The following FRAS1 variants were observed in gnomAD, a reference collection of about 807,000 sequenced individuals.
FRAS1 encodes Fraser extracellular matrix complex subunit 1, also known as extracellular matrix organizing protein FRAS1.
Under a neutral mutation model 435.2 loss-of-function variants are expected in FRAS1, and 290 were observed. That is an observed-to-expected ratio of 0.67 (90% confidence interval 0.61 to 0.73). The LOEUF (loss-of-function observed/expected upper bound fraction) is 0.73. Ranked by LOEUF, FRAS1 falls within the 30% of genes least tolerant of loss-of-function variation. The pLI is 0.00. For missense variants in FRAS1, 4,860 were observed against 5,001.5 expected (o/e 0.97, Z 0.85); for synonymous variants, 1,800 against 1,851.0 (o/e 0.97, Z 0.71).
Position 78,464,475 on chromosome 4 carries a change from TG to T in FRAS1, c.6922del (p.Val2308SerfsTer11). On this transcript the variant is annotated frameshift_variant, in exon 49 of 74. Coordinates refer to ENST00000512123, the MANE Select transcript of FRAS1 (RefSeq NM_025074.7). LOFTEE classifies it high-confidence loss of function. ...AGACTTTCCATATCACTCTTCACCC[TG>T]TCGATGATTCGCTGCCCGTCGTACA... ...TQTFHITLHP[V>X]DDSLPVVQNL... The T allele has an allele frequency of 6.2e-7, 1 of 1,614,038 alleles. No individual in the cohort carries two copies. The highest frequency in any genetic ancestry group is 8.5e-7 in the Non-Finnish European group (1 of 1,179,872).
intron 2 of FRAS1, among the ~76,000 whole-genome samples, chr4:78,157,871 G>C (rs1452063996): frequency 6.6e-6 from 1 of 152,030 alleles, no homozygotes; most frequent in African/African-American, 2.4e-5. Context: ...TGAGGGTTCA[G>C]TTTTATTATT....
intron 29 of FRAS1, among the ~76,000 whole-genome samples, chr4:78,389,718 T>C (rs34204048): frequency 0.099 from 15,055 of 152,234 alleles, 783 homozygotes; most frequent in African/African-American, 0.11. Flanking sequence ...GCCTTTCCTA[T>C]TGTGGCTTCC....
At chr4:78,126,736 A>G (rs1719377663) in intron 2 of FRAS1, among the ~76,000 whole-genome samples, 2 of 152,226 alleles carry the variant, frequency 1.3e-5, no homozygotes, top group South Asian at 4.1e-4. Flanking sequence ...TTTTAATCAC[A>G]TCACGTGTCT....
chr4:78,086,753 A>T (rs901151355), intron 2 of FRAS1, among the ~76,000 whole-genome samples: 1 of 152,198 alleles, frequency 6.6e-6, no homozygotes, highest in Non-Finnish European at 1.5e-5. Context: ...GAATAAACTA[A>T]TAGGCTCTGA....
Position 78,252,399 on chromosome 4 carries a change from C to T in FRAS1, c.317C>T (p.Thr106Ile). 6.2e-7 allele frequency: 1 copy of T among 1,612,900 alleles called. No homozygotes were observed. Among genetic ancestry groups the T allele is most frequent in the Non-Finnish European group, 8.5e-7 (1 of 1,179,628 alleles). The change falls in exon 5 of 74, where the codon ACA becomes ATA. Residue 106 changes from threonine to isoleucine, a missense_variant. Physicochemically the swap from Thr to Ile is moderately conservative, Grantham distance 89. Coordinates refer to ENST00000512123, the MANE Select transcript of FRAS1 (RefSeq NM_025074.7). ...TGTCTCCCTAACACACAGCATGGGA[C>T]AGAATGGGCCTCTTCTCCATGTAGT... is the stretch of plus-strand genomic sequence containing the variant. ...HHEKKIHEHG[T>I]EWASSPCSVC...
At chr4:78,392,659 T>C (rs4975043) in intron 29 of FRAS1, among the ~76,000 whole-genome samples, 36,666 of 151,970 alleles carry the variant, frequency 0.24, 4,808 homozygotes, top group Admixed American at 0.31. Flanking sequence ...GTTTTAATCA[T>C]GCCCCCAGTT....
chr4:78,323,425 C>T (rs949851212), intron 18 of FRAS1, among the ~76,000 whole-genome samples: 10 of 152,060 alleles, frequency 6.6e-5, no homozygotes, highest in African/African-American at 2.4e-4. Context: ...AAACCCAAAC[C>T]CAAGAAATAC....
At chr4:78,535,134 G>A (rs1721841469) in intron 71 of FRAS1, among the ~76,000 whole-genome samples, 1 of 152,068 alleles carries the variant, frequency 6.6e-6, no homozygotes, top group Non-Finnish European at 1.5e-5. Flanking sequence ...CTTTGCATCA[G>A]CCTCACCCGA....
chr4:78,134,466 A>G (rs960477048), intron 2 of FRAS1, among the ~76,000 whole-genome samples: 1 of 152,192 alleles, frequency 6.6e-6, no homozygotes, highest in Non-Finnish European at 1.5e-5. Context: ...TTGTAGGATT[A>G]GTTTTGGTTT....
intron 2 of FRAS1, among the ~76,000 whole-genome samples, chr4:78,199,511 T>C (rs1722959330): frequency 6.6e-6 from 1 of 152,204 alleles, no homozygotes; most frequent in African/African-American, 2.4e-5. Flanking sequence ...CTACAGAGCA[T>C]GAAAGCAATT....
intron 10 of FRAS1, among the ~76,000 whole-genome samples, chr4:78,279,495 C>A (rs1727217711): frequency 6.6e-6 from 1 of 151,432 alleles, no homozygotes; most frequent in South Asian, 2.1e-4. Context: ...ATGGTCCTGG[C>A]AAAGGGCAAT....
intron 2 of FRAS1, among the ~76,000 whole-genome samples, chr4:78,097,354 G>T (rs1278961742): frequency 6.6e-6 from 1 of 152,086 alleles, no homozygotes; most frequent in East Asian, 1.9e-4. Flanking sequence ...ACCTCTGCCT[G>T]TTACCCAGTT....
intron 61 of FRAS1, among the ~76,000 whole-genome samples, chr4:78,500,880 C>G (rs1288686009): frequency 2.0e-5 from 3 of 152,096 alleles, no homozygotes; most frequent in Non-Finnish European, 2.9e-5. Flanking sequence ...AGGAACTTAA[C>G]CCGGATGTCT....
intron 43 of FRAS1, 77 bp downstream of exon 43, chr4:78,446,957 G>A: frequency 7.4e-7 from 1 of 1,344,252 alleles, no homozygotes; most frequent in Non-Finnish European, 1.0e-6. Flanking sequence ...AAATATTTCA[G>A]TTGACTATTT....
chr4:78,455,107 T>A (rs1719147726), intron 47 of FRAS1, among the ~76,000 whole-genome samples: 1 of 152,132 alleles, frequency 6.6e-6, no homozygotes. Context: ...AGTCCTCTTC[T>A]CTTTGCTCTG....
At chr4:78,283,663 C>T (rs1727437384) in intron 12 of FRAS1, among the ~76,000 whole-genome samples, 1 of 152,130 alleles carries the variant, frequency 6.6e-6, no homozygotes, top group Admixed American at 6.5e-5. Context: ...GGCAGTTGCT[C>T]TTGTTGCACT....
Position 78,099,254 on chromosome 4 carries a change from C to T in FRAS1, c.108+33238C>T, listed in dbSNP as rs908617162. On this transcript the variant is annotated intron_variant, in intron 2 of 73. Transcript: ENST00000512123. Reference sequence around the variant, plus strand: ...TATTTTTACCTCACACATGTGTGTGCAGTACTTGAAGTGGATGAGAGAACT... The same window carrying T: ...TATTTTTACCTCACACATGTGTGTGTAGTACTTGAAGTGGATGAGAGAACT... 5.3e-5 allele frequency among the ~76,000 whole-genome samples: 8 copies of T among 152,242 alleles called. No individual in the cohort carries two copies. In the East Asian group the frequency reaches 7.7e-4, roughly 15 times the overall value.
rs1383818763 is a variant in FRAS1 at position 78,140,715 on chromosome 4, GTGTA to G, written c.108+74701_108+74704del. Among the ~76,000 whole-genome samples, 3 of 144,444 alleles carry G rather than the reference GTGTA, an allele frequency of 2.1e-5. No homozygotes were observed. The Admixed American group carries it at 2.1e-4, about 10-fold the overall frequency. 94.8% of individuals were successfully genotyped at this position (144,444 alleles called of 152,430 possible). A position where few individuals can be genotyped will look rare whatever the true frequency, so the allele number is the denominator to read the frequency against. On this transcript the variant is annotated intron_variant, in intron 2 of 73. Coordinates refer to ENST00000512123, the MANE Select transcript of FRAS1 (RefSeq NM_025074.7). ...CATATGTGTATATGCATATACGTGT[GTGTA>G]TATGTATATACGTGTGTGTATATGT...
intron 19 of FRAS1, among the ~76,000 whole-genome samples, chr4:78,337,384 T>C (rs1449614573): frequency 6.6e-6 from 1 of 152,166 alleles, no homozygotes; most frequent in Non-Finnish European, 1.5e-5. Context: ...TGAACTTCCT[T>C]ACTTACACAG....
Sources: allele counts gnomAD v4.1 joint callset (sites outside exome capture counted in the v4.1 genomes callset), GRCh38; gene constraint gnomAD v4.1.1; transcripts MANE v1.5; gene names NCBI Gene and HGNC (gene_info 2026-07-23, HGNC 2026-07-21).